Variants in PEBP4 observed in about 807,000 individuals in gnomAD.
PEBP4 encodes phosphatidylethanolamine-binding protein 4.
In PEBP4, 22 loss-of-function variants were observed where a neutral mutation model predicts 23.9. The observed-to-expected ratio is 0.92, with a 90% CI of 0.66 to 1.31. PEBP4 has a LOEUF of 1.31. Among genes scored for constraint, PEBP4 ranks in the 40% most tolerant of loss-of-function variants. The pLI is 0.00. For missense variants in PEBP4, 324 were observed against 281.7 expected (o/e 1.15, Z -1.07); for synonymous variants, 112 against 99.3 (o/e 1.13, Z -0.76).
chr8:22,810,666 AG>A (rs1218384287), intron 4 of PEBP4, among the ~76,000 whole-genome samples: 2 of 96,248 alleles, frequency 2.1e-5, no homozygotes, highest in South Asian at 3.9e-4. Flanking sequence ...TGTCTCATGG[AG>A]GGGTGTGTGT....
chr8:22,884,358 T>C (rs1216079802), intron 3 of PEBP4: 1 of 152,206 alleles, frequency 6.6e-6, no homozygotes, highest in Non-Finnish European at 1.5e-5. Flanking sequence ...TTGTGAAAAC[T>C]ACCTGGCAGG....
intron 3 of PEBP4, among the ~76,000 whole-genome samples, chr8:22,917,797 A>T (rs1217515219): frequency 6.6e-6 from 1 of 152,202 alleles, no homozygotes; most frequent in East Asian, 1.9e-4. Flanking sequence ...AGCGAGACCA[A>T]TCCTGTGACT....
intron 4 of PEBP4, among the ~76,000 whole-genome samples, chr8:22,743,707 T>C (rs1036023297): frequency 2.6e-5 from 4 of 152,144 alleles, no homozygotes; most frequent in Non-Finnish European, 5.9e-5. Flanking sequence ...CCACCCTGAT[T>C]CTTAAGAGTG....
chr8:22,780,745 C>G (rs1805897025), intron 4 of PEBP4, among the ~76,000 whole-genome samples: 1 of 152,210 alleles, frequency 6.6e-6, no homozygotes, highest in Admixed American at 6.5e-5. Flanking sequence ...AAAGTGATGG[C>G]TGGACTCCTC....
At chr8:22,777,854 C>T (rs1003085704) in intron 4 of PEBP4, among the ~76,000 whole-genome samples, 1 of 152,128 alleles carries the variant, frequency 6.6e-6, no homozygotes, top group African/African-American at 2.4e-5. Context: ...TGGGAGAAGG[C>T]TGCTTTTCAC....
intron 3 of PEBP4, among the ~76,000 whole-genome samples, chr8:22,852,535 A>G (rs2128767364): frequency 6.6e-6 from 1 of 152,320 alleles, no homozygotes; most frequent in Non-Finnish European, 1.5e-5. Context: ...CAGCAGCGAG[A>G]AACACACCAC....
rs572153810 is a variant in PEBP4 at position 22,860,515 on chromosome 8, C to G, written c.259-42780G>C. The stretch of plus-strand genomic sequence containing the variant: ...TTTGTGACTGGCTTATTTCACTTAG[C>G]ATAATGTCCTCAAGTTCCATCCATG... On this transcript the variant is annotated intron_variant, in intron 3 of 6. Coordinates refer to ENST00000256404, the MANE Select transcript of PEBP4 (RefSeq NM_144962.3). Among the ~76,000 whole-genome samples the G allele has an allele frequency of 5.3e-5, 8 of 152,226 alleles. No individual in the cohort carries two copies. The East Asian group carries it at 1.4e-3, about 26-fold the overall frequency.
intron 2 of PEBP4, chr8:22,924,853 T>A: frequency 1.0e-6 from 1 of 985,396 alleles, no homozygotes; most frequent in Non-Finnish European, 1.2e-6. Flanking sequence ...GCAGGGAAGG[T>A]CTGATTCCCG....
rs150671630 is a variant in PEBP4, at chr8:22,933,176, C to A, written c.145-5456G>T. ...AATGCTCTAATCTGTCTGGGGTCCA[C>A]TTGCAGGAGTAGTCTCTGCTTTGCC... On this transcript the variant is annotated intron_variant, in intron 1 of 1. Coordinates refer to the PEBP4 transcript ENST00000522278. Among the ~76,000 whole-genome samples the A allele has an allele frequency of 1.4e-4, 22 of 152,238 alleles. No homozygotes were observed. The East Asian group carries it at 2.9e-3, about 20-fold the overall frequency.
chr8:22,815,629 G>A (rs190556892), intron 4 of PEBP4, among the ~76,000 whole-genome samples: 43 of 152,334 alleles, frequency 2.8e-4, no homozygotes, highest in Non-Finnish European at 4.3e-4. Context: ...CAAATGTGAC[G>A]GAAACCCGCG....
chr8:22,882,517 A>G (rs1195989541), intron 3 of PEBP4, among the ~76,000 whole-genome samples: 1 of 152,128 alleles, frequency 6.6e-6, no homozygotes, highest in Non-Finnish European at 1.5e-5. Context: ...CCCTATTTTG[A>G]TCATGAACAG....
chr8:22,793,079 C>T (rs186477310), intron 4 of PEBP4, among the ~76,000 whole-genome samples: 8 of 152,252 alleles, frequency 5.3e-5, no homozygotes, highest in African/African-American at 1.7e-4. Flanking sequence ...CACTCATAAT[C>T]GTACTACCCA....
chr8:22,821,227 G>A (rs1806850872), intron 3 of PEBP4, among the ~76,000 whole-genome samples: 1 of 152,166 alleles, frequency 6.6e-6, no homozygotes, highest in Non-Finnish European at 1.5e-5. Context: ...GACACATGAT[G>A]AGACATGAAG....
chr8:22,866,898 T>C (rs1461174014), intron 3 of PEBP4, among the ~76,000 whole-genome samples: 1 of 152,074 alleles, frequency 6.6e-6, no homozygotes, highest in Non-Finnish European at 1.5e-5. Flanking sequence ...CTAGTGGAAG[T>C]GGAGGAGCTA....
At chr8:22,910,996 C>T (rs1314256293) in intron 3 of PEBP4, among the ~76,000 whole-genome samples, 2 of 151,910 alleles carry the variant, frequency 1.3e-5, no homozygotes. Context: ...AAATGCACCG[C>T]TCTGGTGGGG....
At chr8:22,731,666 TA>T (rs1371702017) in intron 4 of PEBP4, among the ~76,000 whole-genome samples, 1 of 151,244 alleles carries the variant, frequency 6.6e-6, no homozygotes, top group Non-Finnish European at 1.5e-5. Flanking sequence ...TTTATTTATT[TA>T]TTTATTTTTG....
chr8:22,723,984 C>T (rs767006726), intron 6 of PEBP4, among the ~76,000 whole-genome samples: 1 of 152,234 alleles, frequency 6.6e-6, no homozygotes, highest in Non-Finnish European at 1.5e-5. Flanking sequence ...TGACGACACC[C>T]ACCCTCCCAC....
intron 3 of PEBP4, among the ~76,000 whole-genome samples, chr8:22,818,848 G>A (rs1806799632): frequency 6.6e-6 from 1 of 152,112 alleles, no homozygotes; most frequent in Non-Finnish European, 1.5e-5. Context: ...GGCAGGGTTT[G>A]CTGATAGATT....
chr8:22,919,969 C>CA (rs1468064833), intron 3 of PEBP4, among the ~76,000 whole-genome samples: 1 of 152,180 alleles, frequency 6.6e-6, no homozygotes, highest in Non-Finnish European at 1.5e-5. Flanking sequence ...CAACCATCAC[C>CA]AAAGTTTCCA....
Sources: allele counts gnomAD v4.1 joint callset (sites outside exome capture counted in the v4.1 genomes callset), GRCh38; gene constraint gnomAD v4.1.1; transcripts MANE v1.5; gene names NCBI Gene and HGNC (gene_info 2026-07-23, HGNC 2026-07-21).